Variants in MAST4 observed in about 807,000 individuals in gnomAD.
The protein encoded by MAST4 is microtubule-associated serine/threonine-protein kinase 4.
Under a neutral mutation model 162.7 loss-of-function variants are expected in MAST4, and 89 were observed. That is an observed-to-expected ratio of 0.55 (90% CI 0.46 to 0.65). The LOEUF (loss-of-function observed/expected upper bound fraction) is 0.65. Ranked by LOEUF, MAST4 falls within the 30% of genes least tolerant of loss-of-function variation. The pLI, the probability that MAST4 is intolerant of heterozygous loss-of-function variation, is 0.00. For synonymous variants in MAST4, 1,479 were observed against 1,361.1 expected, an observed-to-expected ratio of 1.09 and a Z score of -1.91; for missense variants, 3,153 against 3,374.0, an observed-to-expected ratio of 0.93 and a Z score of 1.62.
In MAST4 at chr5:67,110,107, C is replaced by G; in HGVS notation, c.1366C>G (p.Arg456Gly). 1 of 1,612,000 alleles carries G rather than the reference C, an allele frequency of 6.2e-7. No individual in the cohort carries two copies. Among genetic ancestry groups the G allele is most frequent in the Non-Finnish European group, 8.5e-7 (1 of 1,178,226 alleles). Residue 456 changes from arginine (R) to glycine (G), a missense_variant, in exon 11 of 29, where the codon CGT (arginine) becomes GGT (glycine). This residue lies in a region of MAST4 where 360 missense variants were observed against 450.0 expected (regional missense o/e 0.80). Coordinates refer to ENST00000403625, the MANE Select transcript of MAST4 (RefSeq NM_001164664.2). ...LDKLLQEAHDRSESGELAFIK... is the reference protein window; with the variant it reads ...LDKLLQEAHDGSESGELAFIK... ...TATTGCTTTTTCATAGGCTCATGATCGTTCAGAAAGTGGAGAATTGGCATT... is the reference window on the plus strand; with the variant it reads ...TATTGCTTTTTCATAGGCTCATGATGGTTCAGAAAGTGGAGAATTGGCATT...
At chr5:67,149,282 A>G in intron 23 of MAST4, 107 bp from the exon 24 acceptor site, 2 of 929,358 alleles carry the variant, frequency 2.2e-6, no homozygotes, top group Non-Finnish European at 3.4e-6. Flanking sequence ...GCCACATAGG[A>G]GTATGTTCTC....
At chr5:66,712,813 G>A (rs1006604081) in intron 1 of MAST4, among the ~76,000 whole-genome samples, 6 of 152,132 alleles carry the variant, frequency 3.9e-5, no homozygotes, top group African/African-American at 9.7e-5. Flanking sequence ...TATCTATAGA[G>A]AAATAAAAAC....
chr5:67,083,665 GT>G (rs1762915604), intron 5 of MAST4, among the ~76,000 whole-genome samples: 1 of 152,218 alleles, frequency 6.6e-6, no homozygotes, highest in Non-Finnish European at 1.5e-5. Flanking sequence ...TTAACTCAGA[GT>G]TTTATCCAGA....
intron 3 of MAST4, among the ~76,000 whole-genome samples, chr5:66,823,382 T>C (rs1757086877): frequency 6.6e-6 from 1 of 152,216 alleles, no homozygotes; most frequent in Admixed American, 6.5e-5. Context: ...AAATGGGGAT[T>C]ATAATGGTTC....
intron 4 of MAST4, among the ~76,000 whole-genome samples, chr5:66,946,606 T>G (rs1177021886): frequency 2.0e-5 from 3 of 152,160 alleles, no homozygotes; most frequent in Non-Finnish European, 4.4e-5. Context: ...TAGAAGTGCC[T>G]GAAAGGTTGT....
intron 3 of MAST4, among the ~76,000 whole-genome samples, chr5:66,814,283 A>T (rs911381604): frequency 4.6e-5 from 7 of 152,324 alleles, no homozygotes; most frequent in Non-Finnish European, 8.8e-5. Flanking sequence ...CCTCAGTGCT[A>T]GGGAGCTCTT....
rs142173079 is a variant in MAST4, at chr5:66,624,667, C to A, written c.363+27649C>A. On this transcript the variant is annotated intron_variant, in intron 1 of 28. Transcript: ENST00000403625. ...TTATATTACAACGCTATAGTAATCA[C>A]AACAGCATGGTACTGCTATAAAAGC... 3.3e-5 allele frequency among the ~76,000 whole-genome samples: 5 copies of A among 152,238 alleles called. No individual in the cohort carries two copies. In the East Asian group the frequency reaches 9.7e-4, roughly 29 times the overall value.
rs186114287 is a variant in MAST4, at chr5:66,673,993, A to G, written c.363+76975A>G. Among the ~76,000 whole-genome samples the G allele has an allele frequency of 2.6e-5, 4 of 152,364 alleles. No individual in the cohort carries two copies. The East Asian group carries it at 7.7e-4, about 29-fold the overall frequency. On this transcript the variant is annotated intron_variant, in intron 1 of 28. Transcript: ENST00000403625. ...TATAATGTAAGGCTCTCAGGATTAC[A>G]TAAAGTCTGAAAAAGTAATGAGTTG... is the stretch of plus-strand genomic sequence containing the variant.
chr5:66,857,181 C>A (rs1759750631), intron 3 of MAST4, among the ~76,000 whole-genome samples: 1 of 152,160 alleles, frequency 6.6e-6, no homozygotes, highest in African/African-American at 2.4e-5. Flanking sequence ...TTTTTTTCCC[C>A]ACTCAGAATA....
At chr5:66,631,389 T>G (rs1244689165) in intron 1 of MAST4, among the ~76,000 whole-genome samples, 1 of 152,174 alleles carries the variant, frequency 6.6e-6, no homozygotes, top group African/African-American at 2.4e-5. Context: ...AATTTGGAGT[T>G]TCTATGTTTT....
intron 4 of MAST4, among the ~76,000 whole-genome samples, chr5:66,990,826 AG>A (rs1749994975): frequency 6.6e-6 from 1 of 152,156 alleles, no homozygotes; most frequent in Non-Finnish European, 1.5e-5. Context: ...GGAATCTGAC[AG>A]ATAGAGTACA....
At chr5:66,725,636 T>C (rs1751471100) in intron 1 of MAST4, among the ~76,000 whole-genome samples, 2 of 152,238 alleles carry the variant, frequency 1.3e-5, no homozygotes, top group South Asian at 4.1e-4. Flanking sequence ...TGTGATATTA[T>C]AACATTTCTG....
At chr5:67,153,045 G>A (rs752138346) in intron 25 of MAST4, among the ~76,000 whole-genome samples, 179 bp downstream of exon 25, 19 of 152,220 alleles carry the variant, frequency 1.2e-4, no homozygotes, top group Non-Finnish European at 2.2e-4. Context: ...TAGCAAAAAC[G>A]AATATCTCAT....
At chr5:66,669,419 A>G (rs1028244171) in intron 1 of MAST4, among the ~76,000 whole-genome samples, 1 of 152,222 alleles carries the variant, frequency 6.6e-6, no homozygotes, top group Non-Finnish European at 1.5e-5. Flanking sequence ...GCAACACTGC[A>G]TGGGTAAAAC....
rs1766601799 is a variant in MAST4, at chr5:67,114,197, A to T, written c.1569A>T (p.Gly523=). 6.2e-7 allele frequency: 1 copy of T among 1,611,854 alleles called. No homozygotes were observed. ...CCAGGTACATCATTAGCCAACTGGGACTCAATAAGGATCCCTTGGAAGGTG... is the reference window on the plus strand; with the variant it reads ...CCAGGTACATCATTAGCCAACTGGGTCTCAATAAGGATCCCTTGGAAGGTG... ...DIPRYIISQL[G]LNKDPLEEMA... The change falls in exon 12 of 29, where the codon GGA becomes GGT. Residue 523 remains glycine (G), a synonymous_variant. Coordinates refer to ENST00000403625, the MANE Select transcript of MAST4 (RefSeq NM_001164664.2).
rs1757959895 is a variant in MAST4, at chr5:67,049,898, C to T, written c.675-4506C>T. Among the ~76,000 whole-genome samples, 5 of 152,202 alleles carry T rather than the reference C, an allele frequency of 3.3e-5. No individual in the cohort carries two copies. In the South Asian group the frequency reaches 1.0e-3, roughly 31 times the overall value. ...ACAGCCTGGTGGGCTTCACAGCTTT[C>T]AGAGACCTGGTAGGGGATGGCTAAC... is the stretch of plus-strand genomic sequence containing the variant. On this transcript the variant is annotated intron_variant, in intron 4 of 28. Transcript: ENST00000403625.
In MAST4 at chr5:66,959,422, T is replaced by C. The variant is rs1745728267; in HGVS notation, c.674+59440T>C. On this transcript the variant is annotated intron_variant, in intron 4 of 28. Transcript: ENST00000403625. The stretch of plus-strand genomic sequence containing the variant: ...CACTGCAGTGTGAGGTGGAGGAACA[T>C]GTCTTAAATGCATGGCATTTGGTTT... 1.4e-5 allele frequency: 10 copies of C among 702,210 alleles called. No homozygotes were observed. The South Asian group carries it at 1.5e-4, about 11-fold the overall frequency. 43.5% of individuals were successfully genotyped at this position (702,210 alleles called of 1,614,324 possible).
At chr5:66,752,004 A>G (rs1753207349) in intron 1 of MAST4, among the ~76,000 whole-genome samples, 1 of 151,944 alleles carries the variant, frequency 6.6e-6, no homozygotes, top group Non-Finnish European at 1.5e-5. Context: ...ATTCTTAAAG[A>G]AAAGAATTTT....
chr5:67,135,068 A>C (rs1250137475), intron 18 of MAST4, among the ~76,000 whole-genome samples: 1 of 152,256 alleles, frequency 6.6e-6, no homozygotes, highest in African/African-American at 2.4e-5. Flanking sequence ...TAACATTTAC[A>C]TAAATAGGGA....
Sources: allele counts gnomAD v4.1 joint callset (sites outside exome capture counted in the v4.1 genomes callset), GRCh38; gene constraint gnomAD v4.1.1; regional missense constraint gnomAD v4.1.1; transcripts MANE v1.5; gene names NCBI Gene and HGNC (gene_info 2026-07-23, HGNC 2026-07-21).